PUDP: variants seen among roughly 807,000 people sequenced by gnomAD.
PUDP encodes pseudouridine-5'-phosphatase.
A neutral mutation model predicts 9.4 loss-of-function variants in PUDP; 8 were observed. That is an observed-to-expected ratio of 0.85 (90% CI 0.50 to 1.53). PUDP has a LOEUF of 1.53. Ranked by LOEUF, PUDP falls within the 40% of genes most tolerant of loss-of-function variation. PUDP has a pLI of 0.00. For missense variants in PUDP, 188 were observed against 189.7 expected, an observed-to-expected ratio of 0.99 and a Z score of 0.05; for synonymous variants, 99 against 80.7, an observed-to-expected ratio of 1.23 and a Z score of -1.22.
At chrX:6,959,038 G>A (rs1462126869) in intron 3 of PUDP, among the ~76,000 whole-genome samples, 2 of 112,058 alleles carry the variant, frequency 1.8e-5, no homozygotes, top group African/African-American at 6.5e-5. Context: ...AAGGGAAACA[G>A]AACTTGGAGA....
chrX:6,971,063 C>CA (rs887481380), intron 3 of PUDP, among the ~76,000 whole-genome samples: 8 of 109,509 alleles, frequency 7.3e-5, no homozygotes, highest in African/African-American at 2.7e-4. Context: ...AAACAAAAAA[C>CA]AAAAAAACAA....
intron 1 of PUDP, among the ~76,000 whole-genome samples, chrX:7,137,503 C>T (rs1475139771): frequency 9.0e-6 from 1 of 111,663 alleles, no homozygotes; most frequent in African/African-American, 3.3e-5. Flanking sequence ...GCCGAGATCG[C>T]ACCACTGCAC....
chrX:7,122,572 T>C (rs1642507395), intron 1 of PUDP, among the ~76,000 whole-genome samples: 1 of 111,737 alleles, frequency 8.9e-6, no homozygotes, highest in African/African-American at 3.3e-5. Context: ...AACAGATTGA[T>C]ATGCTTTGTA....
intron 3 of PUDP, among the ~76,000 whole-genome samples, chrX:6,737,852 A>C (rs1924891861): frequency 9.0e-6 from 1 of 111,384 alleles, no homozygotes; most frequent in African/African-American, 3.3e-5. Context: ...GTTTAGAATA[A>C]CCTTGAGGGC....
chrX:6,907,480 C>A (rs1456944072), intron 3 of PUDP, among the ~76,000 whole-genome samples: 3 of 111,778 alleles, frequency 2.7e-5, no homozygotes, highest in Non-Finnish European at 5.6e-5. Flanking sequence ...TATCCCTTAC[C>A]CTGTTTTATC....
upstream of PUDP, among the ~76,000 whole-genome samples, chrX:6,725,739 C>T (rs1004230221): frequency 4.5e-5 from 5 of 111,680 alleles, no homozygotes; most frequent in African/African-American, 1.6e-4. Flanking sequence ...GCAAGAATGG[C>T]CATTATTAAA....
intron 1 of PUDP, among the ~76,000 whole-genome samples, chrX:7,140,089 G>T (rs1932781332): frequency 1.8e-5 from 2 of 112,152 alleles, no homozygotes; most frequent in Non-Finnish European, 3.8e-5. Context: ...AAAGCCATGG[G>T]GAAAAGTCTT....
chrX:6,728,145 A>G (rs1446591082), intron 3 of PUDP, among the ~76,000 whole-genome samples: 1 of 111,149 alleles, frequency 9.0e-6, no homozygotes, highest in Admixed American at 9.6e-5. Flanking sequence ...AGAACCAAGG[A>G]AAAGGGGTTT....
intron 3 of PUDP, among the ~76,000 whole-genome samples, chrX:6,745,686 C>G (rs1288217010): frequency 9.0e-6 from 1 of 111,449 alleles, no homozygotes; most frequent in African/African-American, 3.3e-5. Context: ...CTCTGTTACC[C>G]AGGCTGGAGT....
At chrX:6,856,280 T>G (rs1162117917) in intron 3 of PUDP, among the ~76,000 whole-genome samples, 1 of 111,542 alleles carries the variant, frequency 9.0e-6, no homozygotes. Flanking sequence ...AAACTCCTTA[T>G]CAGAGGGATT....
At chrX:7,062,758 T>C (rs1173193684) in intron 3 of PUDP, among the ~76,000 whole-genome samples, 1 of 110,137 alleles carries the variant, frequency 9.1e-6, no homozygotes, top group Non-Finnish European at 1.9e-5. Context: ...CATATCAGTG[T>C]TTTAGAAACA....
At chrX:6,741,019 C>T (rs113883838) in intron 3 of PUDP, among the ~76,000 whole-genome samples, 5,383 of 109,937 alleles carry the variant, frequency 0.049, 152 homozygotes, top group African/African-American at 0.075. Flanking sequence ...ACTACCCGGG[C>T]GTGGTGGGGC....
rs58068829 is a variant in PUDP at position 6,951,245 on chromosome X, A to ATATCTATC, written c.*247+25880_*247+25887dup. Among the ~76,000 whole-genome samples the ATATCTATC allele has an allele frequency of 3.8e-3, 396 of 105,541 alleles. 2 individuals carry two copies. Among genetic ancestry groups the ATATCTATC allele is most frequent in the African/African-American group, 7.3e-3 (209 of 28,736 alleles). The allele number at this position is 105,541 out of a possible 115,157, so 91.6% of individuals were successfully genotyped here. On this transcript the variant is annotated intron_variant and NMD_transcript_variant, in intron 3 of 3. Coordinates refer to the PUDP transcript ENST00000655425. ...CCATCCATCCATCCATCCATCCATC[A>ATATCTATC]TATCTATCTATCTATCTATCTATCT...
chrX:6,779,971 C>A (rs1161175577), intron 3 of PUDP, among the ~76,000 whole-genome samples: 3 of 110,430 alleles, frequency 2.7e-5, no homozygotes, highest in African/African-American at 9.9e-5. Flanking sequence ...AGAAAACTCT[C>A]CCTCTTGAAG....
intron 3 of PUDP, among the ~76,000 whole-genome samples, chrX:6,927,799 G>A (rs1242338532): frequency 9.0e-6 from 1 of 111,263 alleles, no homozygotes; most frequent in Non-Finnish European, 1.9e-5. Context: ...CTTGGATCCT[G>A]GTGAAACAGG....
chrX:6,866,846 A>G (rs1927094530), intron 3 of PUDP, among the ~76,000 whole-genome samples: 1 of 111,681 alleles, frequency 9.0e-6, no homozygotes, highest in African/African-American at 3.3e-5. Context: ...TATGGTGGAG[A>G]AAAATAAAAT....
At chrX:6,845,925 C>A (rs1926738585) in intron 3 of PUDP, among the ~76,000 whole-genome samples, 1 of 111,603 alleles carries the variant, frequency 9.0e-6, no homozygotes, top group Non-Finnish European at 1.9e-5. Context: ...CATTACCAAT[C>A]TGCAACGAGT....
intron 1 of PUDP, among the ~76,000 whole-genome samples, chrX:7,141,448 C>A (rs1217753705): frequency 8.8e-6 from 1 of 113,023 alleles, no homozygotes; most frequent in Non-Finnish European, 1.9e-5. Flanking sequence ...ACTCTCTTCA[C>A]TTCTATGGGG....
chrX:6,736,068 A>G (rs995151688), intron 3 of PUDP, among the ~76,000 whole-genome samples: 2 of 109,800 alleles, frequency 1.8e-5, no homozygotes, highest in Non-Finnish European at 3.8e-5. Context: ...AGGAAAAAAA[A>G]TCTACTCCAT....
Sources: gnomAD v4.1 joint callset for allele counts (sites outside exome capture counted in the v4.1 genomes callset) on GRCh38, gnomAD v4.1.1 for gene constraint, MANE v1.5 for transcripts, NCBI Gene and HGNC (gene_info 2026-07-23, HGNC 2026-07-21) for gene names.